The following ARHGEF3 variants were observed in gnomAD, a reference collection of about 807,000 sequenced individuals.
ARHGEF3 encodes 59.8 kDA protein.
A neutral mutation model predicts 63.2 loss-of-function variants in ARHGEF3; 28 were observed. The observed-to-expected ratio is 0.44, with a 90% CI of 0.33 to 0.61. The LOEUF (loss-of-function observed/expected upper bound fraction) is 0.61. Among genes scored for constraint, ARHGEF3 ranks in the 20% least tolerant of loss-of-function variants. The probability of loss-of-function intolerance (pLI) is 0.03; values close to 1 mark genes in which losing one functional copy is unlikely to be tolerated. For missense variants in ARHGEF3, 533 were observed against 659.3 expected, an observed-to-expected ratio of 0.81 and a Z score of 2.10; for synonymous variants, 266 against 254.2, an observed-to-expected ratio of 1.05 and a Z score of -0.44.
intron 4 of ARHGEF3, among the ~76,000 whole-genome samples, chr3:56,848,295 G>C (rs1457573165): frequency 1.3e-5 from 2 of 152,120 alleles, no homozygotes; most frequent in Non-Finnish European, 2.9e-5. Flanking sequence ...CGAATTTTGT[G>C]CTTGCTTGAA....
rs376546054 is a variant in ARHGEF3, at chr3:56,956,926, G to A, written c.129+1897C>T. Among the ~76,000 whole-genome samples the A allele has an allele frequency of 3.5e-4, 54 of 152,254 alleles. No homozygotes were observed. In the South Asian group the frequency reaches 0.011, roughly 30 times the overall value. ...AAGGGATTTCATGATCAATGACTTC[G>A]GGAAATGCTACAAACTCCACCAGTT... On this transcript the variant is annotated intron_variant, in intron 3 of 12. Coordinates refer to the ARHGEF3 transcript ENST00000338458.
rs113571119 is a variant in ARHGEF3, at chr3:56,973,612, A to G, written c.63-14723T>C. Reference sequence around the variant, plus strand: ...AGAGCCCCATGAGGGTAGGAGGAAAACCAAGAGAGGGACAACGCGGAGGCC... The same window carrying G: ...AGAGCCCCATGAGGGTAGGAGGAAAGCCAAGAGAGGGACAACGCGGAGGCC... On this transcript the variant is annotated intron_variant, in intron 2 of 12. Coordinates refer to the ARHGEF3 transcript ENST00000338458. Among the ~76,000 whole-genome samples the G allele has an allele frequency of 3.8e-3, 582 of 152,222 alleles. 4 individuals are homozygous for G. Among genetic ancestry groups the G allele is most frequent in the African/African-American group, 0.013 (550 of 41,524 alleles).
At position 56,824,892 on chromosome 3, in the gene ARHGEF3, C is replaced by T. The variant is rs1420514244; in HGVS notation, c.193-51076G>A. Among the ~76,000 whole-genome samples the T allele has an allele frequency of 2.6e-5, 4 of 152,196 alleles. No individual in the cohort carries two copies. The East Asian group carries it at 7.7e-4, about 29-fold the overall frequency. ...TTCTCAGAGTAAAACACTTCAGTGG[C>T]ATCACTGTTTAAAGATTTTGTTAAA... On this transcript the variant is annotated intron_variant, in intron 4 of 12. Coordinates refer to the ARHGEF3 transcript ENST00000338458.
chr3:57,041,382 A>G (rs1304495599), intron 1 of ARHGEF3, among the ~76,000 whole-genome samples: 2 of 152,174 alleles, frequency 1.3e-5, no homozygotes, highest in African/African-American at 2.4e-5. Context: ...CAAGATCCCA[A>G]AGTGTATCAT....
chr3:56,901,498 A>C (rs1338309071), intron 3 of ARHGEF3, among the ~76,000 whole-genome samples: 1 of 151,868 alleles, frequency 6.6e-6, no homozygotes, highest in Non-Finnish European at 1.5e-5. Flanking sequence ...TGTTCTATTA[A>C]GTCATTGTGA....
chr3:57,072,740 A>T (rs1450232422), intron 1 of ARHGEF3, among the ~76,000 whole-genome samples: 2 of 150,816 alleles, frequency 1.3e-5, no homozygotes, highest in Non-Finnish European at 3.0e-5. Flanking sequence ...AAAAAAAAAA[A>T]AAAGAATAAA....
intron 2 of ARHGEF3, among the ~76,000 whole-genome samples, chr3:56,960,165 C>T (rs1700218662): frequency 6.6e-6 from 1 of 152,124 alleles, no homozygotes; most frequent in African/African-American, 2.4e-5. Flanking sequence ...AAGGTAATTA[C>T]AATAATAGCA....
At chr3:57,037,176 G>A (rs1703997772) in intron 1 of ARHGEF3, among the ~76,000 whole-genome samples, 2 of 152,158 alleles carry the variant, frequency 1.3e-5, no homozygotes, top group African/African-American at 4.8e-5. Context: ...GGGCGAGAGT[G>A]AAAATGTGGA....
At chr3:57,063,337 T>A (rs966315711) in intron 1 of ARHGEF3, among the ~76,000 whole-genome samples, 3 of 152,144 alleles carry the variant, frequency 2.0e-5, no homozygotes, top group Non-Finnish European at 4.4e-5. Context: ...GAGAGCTATT[T>A]GAGGGCTTTG....
rs147845355 is a variant in ARHGEF3, at chr3:57,065,317, C to T, written c.-28+13909G>A. On this transcript the variant is annotated intron_variant, in intron 1 of 12. Transcript: ENST00000338458. Reference sequence around the variant, plus strand: ...TCTCTACGAAAAATACAAAATTAGCCGGGTGTGATGGTGTGCACCTGTAGT... The same window carrying T: ...TCTCTACGAAAAATACAAAATTAGCTGGGTGTGATGGTGTGCACCTGTAGT... Among the ~76,000 whole-genome samples the T allele has an allele frequency of 2.8e-4, 43 of 152,168 alleles. 1 individual carries two copies. The highest frequency in any genetic ancestry group is 5.3e-4 in the Non-Finnish European group (36 of 68,008).
chr3:57,001,080 CAGG>C (rs1191466355), intron 2 of ARHGEF3, among the ~76,000 whole-genome samples: 8 of 152,018 alleles, frequency 5.3e-5, no homozygotes, highest in South Asian at 2.1e-4. Context: ...GCTGGAACTA[CAGG>C]CATGCACCAC....
At chr3:56,841,720 T>G (rs1015473463) in intron 4 of ARHGEF3, among the ~76,000 whole-genome samples, 27 of 152,278 alleles carry the variant, frequency 1.8e-4, no homozygotes, top group African/African-American at 3.8e-4. Context: ...GATTCCATGC[T>G]TTACCTTTTT....
At chr3:57,026,916 T>C in intron 2 of ARHGEF3, among the ~76,000 whole-genome samples, 1 of 152,234 alleles carries the variant, frequency 6.6e-6, no homozygotes, top group East Asian at 1.9e-4. Flanking sequence ...CATGTCTGAC[T>C]GTAGCCCAGC....
In ARHGEF3 at chr3:56,895,162, G is replaced by A. The variant is rs941825208; in HGVS notation, c.130-12808C>T. 1.4e-4 allele frequency among the ~76,000 whole-genome samples: 21 copies of A among 147,640 alleles called. 1 individual carries two copies. The East Asian group carries it at 4.6e-3, about 32-fold the overall frequency. On this transcript the variant is annotated intron_variant, in intron 3 of 12. Coordinates refer to the ARHGEF3 transcript ENST00000338458. ...TCAAAGACAGCTGCAGGAAGAAAAT[G>A]TCCCTCTAATCGCAGCTGACTTCTT...
At chr3:56,830,738 C>T (rs1462813351) in intron 4 of ARHGEF3, among the ~76,000 whole-genome samples, 1 of 152,176 alleles carries the variant, frequency 6.6e-6, no homozygotes, top group Non-Finnish European at 1.5e-5. Flanking sequence ...GTGTCCTTTC[C>T]CTCCTGACCA....
chr3:56,970,250 T>C (rs1387956850), intron 2 of ARHGEF3, among the ~76,000 whole-genome samples: 1 of 152,186 alleles, frequency 6.6e-6, no homozygotes, highest in African/African-American at 2.4e-5. Flanking sequence ...TCTACTACAA[T>C]TTTTGAAAAG....
chr3:56,804,778 G>C (rs1214705307), upstream of ARHGEF3, among the ~76,000 whole-genome samples: 2 of 152,174 alleles, frequency 1.3e-5, no homozygotes, highest in African/African-American at 4.8e-5. Flanking sequence ...TGCTGATGGG[G>C]AGCTCACACA....
chr3:56,846,178 C>A (rs1474428165), intron 4 of ARHGEF3, among the ~76,000 whole-genome samples: 1 of 152,216 alleles, frequency 6.6e-6, no homozygotes, highest in Non-Finnish European at 1.5e-5. Context: ...GGGTCCATAA[C>A]AATTCCTTCT....
intron 2 of ARHGEF3, among the ~76,000 whole-genome samples, chr3:57,008,912 T>C (rs1702574109): frequency 6.6e-6 from 1 of 152,254 alleles, no homozygotes; most frequent in Non-Finnish European, 1.5e-5. Flanking sequence ...TTCAATGAAT[T>C]GCCAACATTT....
Sources: allele counts gnomAD v4.1 joint callset (sites outside exome capture counted in the v4.1 genomes callset), GRCh38; gene constraint gnomAD v4.1.1; transcripts MANE v1.5; gene names NCBI Gene and HGNC (gene_info 2026-07-23, HGNC 2026-07-21).